Variants in BCKDHB observed in about 807,000 individuals in gnomAD.
BCKDHB encodes the protein branched chain keto acid dehydrogenase E1 subunit beta.
A neutral mutation model predicts 48.5 loss-of-function variants in BCKDHB; 41 were observed. The ratio of observed to expected loss-of-function variants is 0.85; its 90% CI spans 0.66 to 1.10. The LOEUF (loss-of-function observed/expected upper bound fraction) is 1.10. BCKDHB is among the 50% of genes least tolerant of loss of function. BCKDHB has a pLI of 0.00. For synonymous variants in BCKDHB, 201 were observed against 174.8 expected, an observed-to-expected ratio of 1.15 and a Z score of -1.18; for missense variants, 496 against 494.2, an observed-to-expected ratio of 1.00 and a Z score of -0.03.
intron 8 of BCKDHB, among the ~76,000 whole-genome samples, chr6:80,233,552 CT>C (rs1345909410): frequency 2.0e-5 from 3 of 152,144 alleles, no homozygotes; most frequent in African/African-American, 7.2e-5. Flanking sequence ...TCAAGTGCTT[CT>C]TATTTTTCTG....
At chr6:80,385,957 A>G in the BCKDHB span, among the ~76,000 whole-genome samples, 1 of 152,182 alleles carries the variant, frequency 6.6e-6, no homozygotes, top group Non-Finnish European at 1.5e-5. Context: ...AAAAGTTCTA[A>G]TAGTTTATTT....
intron 8 of BCKDHB, among the ~76,000 whole-genome samples, chr6:80,220,833 C>T (rs1345685640): frequency 6.8e-6 from 1 of 147,990 alleles, no homozygotes; most frequent in Non-Finnish European, 1.5e-5. Flanking sequence ...CTCTTGGGTT[C>T]AAGCAATTCT....
the BCKDHB span, among the ~76,000 whole-genome samples, chr6:80,430,662 G>GA: frequency 3.1e-3 from 469 of 152,216 alleles, 7 homozygotes; most frequent in African/African-American, 9.8e-3. Context: ...GATCAGCAGT[G>GA]ATATCCCCTT....
chr6:80,280,277 G>T (rs1778142963), intron 9 of BCKDHB, among the ~76,000 whole-genome samples: 1 of 152,086 alleles, frequency 6.6e-6, no homozygotes, highest in Admixed American at 6.5e-5. Flanking sequence ...AAAGTAGTAG[G>T]AGCTGAAAAT....
the BCKDHB span, among the ~76,000 whole-genome samples, chr6:80,428,122 G>A: frequency 6.6e-6 from 1 of 151,952 alleles, no homozygotes; most frequent in Non-Finnish European, 1.5e-5. Flanking sequence ...AACATGCGGT[G>A]TTTGGTTTTC....
intron 6 of BCKDHB, among the ~76,000 whole-genome samples, chr6:80,189,198 C>T (rs184161176): frequency 8.7e-4 from 132 of 152,252 alleles, no homozygotes; most frequent in African/African-American, 2.4e-3. Context: ...CTTTTATACA[C>T]GGTTGTCAGT....
chr6:80,411,562 C>A, the BCKDHB span, among the ~76,000 whole-genome samples: 1 of 152,242 alleles, frequency 6.6e-6, no homozygotes, highest in Non-Finnish European at 1.5e-5. Flanking sequence ...CTATACCCTG[C>A]CCACAGAGGT....
chr6:80,421,159 G>T, the BCKDHB span, among the ~76,000 whole-genome samples: 2 of 152,088 alleles, frequency 1.3e-5, no homozygotes, highest in Non-Finnish European at 2.9e-5. Flanking sequence ...CTGTTCTCAT[G>T]ATAGAGAGTT....
chr6:80,246,991 T>C (rs974473915), intron 8 of BCKDHB, among the ~76,000 whole-genome samples: 2 of 152,142 alleles, frequency 1.3e-5, no homozygotes, highest in Admixed American at 6.5e-5. Context: ...ATCAAACTTA[T>C]ATTTCTTTTC....
the BCKDHB span, among the ~76,000 whole-genome samples, chr6:80,354,182 T>A: frequency 3.7e-4 from 56 of 151,982 alleles, no homozygotes; most frequent in African/African-American, 1.3e-3. Flanking sequence ...AGAAGTTTTT[T>A]AGTTTAATTT....
At chr6:80,256,867 CAT>C (rs947697461) in intron 8 of BCKDHB, among the ~76,000 whole-genome samples, 2 of 152,048 alleles carry the variant, frequency 1.3e-5, no homozygotes, top group African/African-American at 4.8e-5. Context: ...AAAATGGCAA[CAT>C]ATGGTTCAAA....
chr6:80,196,264 T>C (rs150494834), intron 6 of BCKDHB, among the ~76,000 whole-genome samples: 17 of 152,328 alleles, frequency 1.1e-4, no homozygotes, highest in African/African-American at 4.1e-4. Context: ...ATTTTGTAGA[T>C]GTATACACAA....
the BCKDHB span, among the ~76,000 whole-genome samples, chr6:80,413,538 A>T: frequency 1.1e-4 from 17 of 152,186 alleles, no homozygotes; most frequent in African/African-American, 3.9e-4. Context: ...ATTGTAAGTG[A>T]GAATATATGG....
chr6:80,305,150 A>C (rs1399480186), intron 9 of BCKDHB, among the ~76,000 whole-genome samples: 1 of 152,130 alleles, frequency 6.6e-6, no homozygotes, highest in Non-Finnish European at 1.5e-5. Context: ...TTGGAGTTTA[A>C]CAATGTTGCT....
the BCKDHB span, among the ~76,000 whole-genome samples, chr6:80,397,905 A>T: frequency 6.6e-6 from 1 of 152,204 alleles, no homozygotes; most frequent in African/African-American, 2.4e-5. Context: ...CCAACAAACA[A>T]CAAACAAACA....
intron 9 of BCKDHB, among the ~76,000 whole-genome samples, chr6:80,322,896 C>CTTTTTTTTT (rs34177726): frequency 1.5e-4 from 17 of 115,554 alleles, no homozygotes; most frequent in African/African-American, 4.5e-4. Flanking sequence ...TTTCTTTTTT[C>CTTTTTTTTT]TTTTTTTTTT....
chr6:80,136,839 G>C (rs1437864168), intron 3 of BCKDHB, among the ~76,000 whole-genome samples: 1 of 152,026 alleles, frequency 6.6e-6, no homozygotes, highest in Non-Finnish European at 1.5e-5. Flanking sequence ...TAAATTACCA[G>C]TATATAAATT....
intron 3 of BCKDHB, among the ~76,000 whole-genome samples, chr6:80,163,518 G>T (rs1772426176): frequency 6.6e-6 from 1 of 151,888 alleles, no homozygotes; most frequent in African/African-American, 2.4e-5. Context: ...TTCTCAACTT[G>T]GCTGATTTAT....
intron 8 of BCKDHB, among the ~76,000 whole-genome samples, chr6:80,207,193 TGTGAAAGTTTAAGTTTA>T (rs887659439): frequency 6.6e-6 from 1 of 151,968 alleles, no homozygotes; most frequent in Non-Finnish European, 1.5e-5. Context: ...CATAATTTTC[TGTGAAAGTTTAAGTTTA>T]GTGAAGTTTA....
Sources: allele counts gnomAD v4.1 joint callset (sites outside exome capture counted in the v4.1 genomes callset), GRCh38; gene constraint gnomAD v4.1.1; transcripts MANE v1.5; gene names NCBI Gene and HGNC (gene_info 2026-07-23, HGNC 2026-07-21).